The following PTPRD variants were observed in gnomAD, a reference collection of about 807,000 sequenced individuals.
The protein encoded by PTPRD is protein tyrosine phosphatase receptor type D.
Under a neutral mutation model 214.5 loss-of-function variants are expected in PTPRD, and 34 were observed. That is an observed-to-expected ratio of 0.16 (90% CI 0.12 to 0.21). The LOEUF (loss-of-function observed/expected upper bound fraction) is 0.21, where lower values mean the gene tolerates loss of function less well. Ranked by LOEUF, PTPRD falls within the 10% of genes least tolerant of loss-of-function variation. The probability of loss-of-function intolerance (pLI) is 1.00; values close to 1 mark genes in which losing one functional copy is unlikely to be tolerated. For missense variants in PTPRD, 2,545 were observed against 2,398.7 expected (o/e 1.06, Z -1.27); for synonymous variants, 1,128 against 845.7 (o/e 1.33, Z -5.79).
At chr9:8,461,515 C>T (rs2096401887) in intron 32 of PTPRD, among the ~76,000 whole-genome samples, 1 of 151,972 alleles carries the variant, frequency 6.6e-6, no homozygotes. Context: ...TTCCACTTTC[C>T]AATCCAACAG....
In PTPRD at chr9:9,716,242, T is replaced by C. The variant is rs201072706; in HGVS notation, c.-287+18291A>G. On this transcript the variant is annotated intron_variant, in intron 7 of 45. Transcript: ENST00000381196. ...TGTATATGTGCCACATTTTTTTAAT[T>C]CAGTCTATCATTGTTGGACATTTGG... is the stretch of plus-strand genomic sequence containing the variant. 2.3e-3 allele frequency among the ~76,000 whole-genome samples: 355 copies of C among 152,180 alleles called. 6 individuals carry two copies. The East Asian group carries it at 0.035, about 15-fold the overall frequency.
At chr9:8,709,458 T>C (rs937362181) in intron 12 of PTPRD, among the ~76,000 whole-genome samples, 2 of 139,940 alleles carry the variant, frequency 1.4e-5, no homozygotes, top group South Asian at 4.4e-4. Context: ...GAGCTTGCAG[T>C]GAGCCAAGAT....
chr9:8,541,810 C>A (rs888078056), intron 14 of PTPRD, among the ~76,000 whole-genome samples: 4 of 152,132 alleles, frequency 2.6e-5, no homozygotes, highest in Admixed American at 1.3e-4. Flanking sequence ...TTTGAACTTT[C>A]CTCTCTATCA....
chr9:9,363,248 C>A (rs1397251391), intron 9 of PTPRD, among the ~76,000 whole-genome samples: 2 of 150,466 alleles, frequency 1.3e-5, no homozygotes, highest in Non-Finnish European at 3.0e-5. Flanking sequence ...TGATCAACAC[C>A]CCAAAAGGCA....
intron 3 of PTPRD, among the ~76,000 whole-genome samples, chr9:10,116,544 C>T (rs1489061717): frequency 6.6e-6 from 1 of 152,014 alleles, no homozygotes; most frequent in Non-Finnish European, 1.5e-5. Context: ...TTTAGTGAAA[C>T]ACATATACTA....
At chr9:10,102,382 G>A (rs1021850913) in intron 3 of PTPRD, among the ~76,000 whole-genome samples, 2 of 149,934 alleles carry the variant, frequency 1.3e-5, no homozygotes, top group African/African-American at 2.5e-5. Context: ...GAAAGCTCCA[G>A]ATTATTGCTA....
chr9:8,948,543 T>A (rs796407820), intron 11 of PTPRD, among the ~76,000 whole-genome samples: 947 of 30,982 alleles, frequency 0.031, 84 homozygotes, highest in Non-Finnish European at 0.053. Context: ...ATATATATAT[T>A]TATATATATT....
chr9:10,246,964 A>G (rs10809048), intron 3 of PTPRD, among the ~76,000 whole-genome samples: 83,559 of 151,716 alleles, frequency 0.55, 24,676 homozygotes, highest in East Asian at 0.73. Flanking sequence ...AAATGTCTTA[A>G]GGCAGTTAAT....
intron 21 of PTPRD, among the ~76,000 whole-genome samples, chr9:8,507,655 T>C (rs1011163489): frequency 1.3e-5 from 2 of 152,192 alleles, no homozygotes; most frequent in East Asian, 1.9e-4. Context: ...ACACAAGATA[T>C]AGTAGAACTA....
intron 7 of PTPRD, among the ~76,000 whole-genome samples, chr9:9,591,932 T>G (rs914847193): frequency 6.0e-4 from 92 of 152,206 alleles, no homozygotes; most frequent in African/African-American, 2.2e-3. Context: ...ATTGTAATTT[T>G]GTACCCAATC....
chr9:9,024,026 T>C (rs2099578476), intron 10 of PTPRD, among the ~76,000 whole-genome samples: 2 of 151,892 alleles, frequency 1.3e-5, no homozygotes, highest in South Asian at 2.1e-4. Flanking sequence ...ATAATCACCA[T>C]TGAAATTTAC....
intron 12 of PTPRD, among the ~76,000 whole-genome samples, chr9:8,647,101 G>A (rs899531622): frequency 2.0e-5 from 3 of 152,200 alleles, no homozygotes; most frequent in African/African-American, 4.8e-5. Context: ...ATGTAGCACA[G>A]CCAGATTACA....
chr9:8,436,746 T>C, intron 34 of PTPRD, 57 bp from the exon 35 acceptor site: 1 of 1,300,472 alleles, frequency 7.7e-7, no homozygotes, highest in Non-Finnish European at 1.1e-6. Context: ...TGATGCTAAC[T>C]ATTCCAAAAT....
intron 11 of PTPRD, among the ~76,000 whole-genome samples, chr9:8,903,300 C>A (rs534505483): frequency 6.6e-6 from 1 of 152,214 alleles, no homozygotes; most frequent in East Asian, 1.9e-4. Flanking sequence ...TTCAGCCTAG[C>A]CACATGCTAT....
At chr9:9,846,290 A>G (rs2059519961) in intron 5 of PTPRD, among the ~76,000 whole-genome samples, 1 of 152,066 alleles carries the variant, frequency 6.6e-6, no homozygotes, top group South Asian at 2.1e-4. Context: ...AGCATTCCCA[A>G]TCAAAATTAC....
At chr9:8,402,614 A>G (rs1297446939) in intron 36 of PTPRD, among the ~76,000 whole-genome samples, 1 of 152,024 alleles carries the variant, frequency 6.6e-6, no homozygotes, top group Non-Finnish European at 1.5e-5. Flanking sequence ...TGGAAAAAAG[A>G]TTTCTCTCTG....
intron 11 of PTPRD, among the ~76,000 whole-genome samples, chr9:8,911,993 G>C (rs949859244): frequency 6.6e-6 from 1 of 152,072 alleles, no homozygotes; most frequent in African/African-American, 2.4e-5. Context: ...TATTCAAAAA[G>C]ACTAACAGTA....
intron 10 of PTPRD, among the ~76,000 whole-genome samples, chr9:9,137,386 T>A (rs1305454530): frequency 1.3e-5 from 2 of 152,284 alleles, no homozygotes; most frequent in East Asian, 3.9e-4. Flanking sequence ...TCAAACTGGG[T>A]TTGAGAAGTT....
intron 3 of PTPRD, among the ~76,000 whole-genome samples, chr9:10,330,460 C>A (rs1052594653): frequency 5.9e-5 from 9 of 151,832 alleles, no homozygotes; most frequent in Admixed American, 5.9e-4. Context: ...ACAATCTTCC[C>A]CCAACACATT....
Sources: allele counts gnomAD v4.1 joint callset (sites outside exome capture counted in the v4.1 genomes callset), GRCh38; gene constraint gnomAD v4.1.1; transcripts MANE v1.5; gene names NCBI Gene and HGNC (gene_info 2026-07-23, HGNC 2026-07-21).